Variants in ST8SIA1 observed in about 807,000 individuals in gnomAD.
ST8SIA1 encodes alpha-N-acetylneuraminide alpha-2,8-sialyltransferase.
Under a neutral mutation model 35.9 loss-of-function variants are expected in ST8SIA1, and 16 were observed. The observed-to-expected ratio is 0.45, with a 90% CI of 0.30 to 0.68. The LOEUF is 0.68. Ranked by LOEUF, ST8SIA1 falls within the 30% of genes least tolerant of loss-of-function variation. The probability of loss-of-function intolerance (pLI) is 0.09; values close to 1 mark genes in which losing one functional copy is unlikely to be tolerated. For synonymous variants in ST8SIA1, 170 were observed against 169.6 expected (o/e 1.00, Z -0.02); for missense variants, 383 against 453.6 (o/e 0.84, Z 1.41).
intron 4 of ST8SIA1, chr12:22,223,725 T>C (rs768592720): frequency 3.0e-5 from 38 of 1,254,896 alleles, no homozygotes; most frequent in Middle Eastern, 4.3e-4. Context: ...GTTTTCCATT[T>C]CCTTAATCAA....
At chr12:22,223,542 G>A (rs1389363235) in intron 4 of ST8SIA1, 11 of 1,048,232 alleles carry the variant, frequency 1.0e-5, no homozygotes, top group East Asian at 1.1e-4. Context: ...TTCTGAACTG[G>A]GTTAAATGAG....
At chr12:22,296,955 T>C (rs929978980) in intron 1 of ST8SIA1, among the ~76,000 whole-genome samples, 3 of 152,304 alleles carry the variant, frequency 2.0e-5, no homozygotes, top group South Asian at 4.1e-4. Context: ...CAGTGACTTA[T>C]AATTGAACCA....
At chr12:22,256,214 G>A (rs760928633) in intron 2 of ST8SIA1, among the ~76,000 whole-genome samples, 6 of 152,152 alleles carry the variant, frequency 3.9e-5, no homozygotes, top group Non-Finnish European at 5.9e-5. Context: ...ACCCACTAAG[G>A]GGCAAGTGAC....
intron 1 of ST8SIA1, among the ~76,000 whole-genome samples, chr12:22,327,210 C>T (rs1052139410): frequency 2.0e-5 from 3 of 152,200 alleles, no homozygotes; most frequent in African/African-American, 7.2e-5. Flanking sequence ...TTCTATTCTC[C>T]TCCCTGGACA....
Position 22,238,899 on chromosome 12 carries a change from A to G in ST8SIA1, c.584+10107T>C, listed in dbSNP as rs80352874. Among the ~76,000 whole-genome samples, 992 of 152,302 alleles carry G rather than the reference A, an allele frequency of 6.5e-3. 8 individuals are homozygous for G. Among genetic ancestry groups the G allele is most frequent in the Non-Finnish European group, 0.01 (705 of 68,014 alleles). ...GGTATATTCTTCAGATTTTCTCTCA[A>G]TGAAGGATCTTTGGAGGTAAAAAAT... On this transcript the variant is annotated intron_variant, in intron 4 of 4. Coordinates refer to ENST00000396037, the MANE Select transcript of ST8SIA1 (RefSeq NM_003034.4).
chr12:22,328,367 G>T (rs575715039), intron 1 of ST8SIA1, among the ~76,000 whole-genome samples: 1 of 152,268 alleles, frequency 6.6e-6, no homozygotes, highest in South Asian at 2.1e-4. Context: ...CTCTGGGAAT[G>T]CAACTAAGAA....
chr12:22,262,950 T>C (rs1411977841), intron 2 of ST8SIA1, among the ~76,000 whole-genome samples: 1 of 152,198 alleles, frequency 6.6e-6, no homozygotes, highest in African/African-American at 2.4e-5. Context: ...TAACCTTAAA[T>C]ATAGATTTCT....
chr12:22,288,520 A>G (rs961580739), intron 1 of ST8SIA1, among the ~76,000 whole-genome samples: 3 of 152,146 alleles, frequency 2.0e-5, no homozygotes, highest in African/African-American at 7.2e-5. Flanking sequence ...CCTAGTCAGT[A>G]AGGCTGCAGC....
At chr12:22,305,776 T>C (rs780996187) in intron 1 of ST8SIA1, among the ~76,000 whole-genome samples, 2 of 152,232 alleles carry the variant, frequency 1.3e-5, no homozygotes, top group African/African-American at 4.8e-5. Context: ...TGGGGTTACC[T>C]AACTATAAAC....
intron 1 of ST8SIA1, among the ~76,000 whole-genome samples, chr12:22,332,729 T>C (rs1866784121): frequency 6.6e-6 from 1 of 152,236 alleles, no homozygotes; most frequent in Non-Finnish European, 1.5e-5. Flanking sequence ...TTTTTAATCC[T>C]CTTTCCAGGA....
intron 1 of ST8SIA1, among the ~76,000 whole-genome samples, chr12:22,315,682 G>A (rs1377296094): frequency 6.6e-6 from 1 of 151,082 alleles, no homozygotes; most frequent in African/African-American, 2.4e-5. Context: ...TTGAAGTAAT[G>A]AGGGAACTAA....
intron 4 of ST8SIA1, among the ~76,000 whole-genome samples, chr12:22,212,516 A>G (rs887310109): frequency 2.0e-5 from 3 of 152,170 alleles, no homozygotes; most frequent in East Asian, 3.9e-4. Context: ...CTTCCACAGG[A>G]AAGTACTTTG....
rs748762950 is a variant in ST8SIA1, at chr12:22,305,915, T to C, written c.237-18622A>G. Among the ~76,000 whole-genome samples, 4 of 152,336 alleles carry C rather than the reference T, an allele frequency of 2.6e-5. No homozygotes were observed. In the South Asian group the frequency reaches 8.3e-4, roughly 32 times the overall value. On this transcript the variant is annotated intron_variant, in intron 1 of 4. Transcript: ENST00000396037. ...ACCATAACTTCTAATCTTGTGGTTT[T>C]GGGCAGTCTAGTCCACAGGCAGTAA...
In ST8SIA1 at chr12:22,199,553, T is replaced by G. The variant is rs546034276; in HGVS notation, c.*1999A>C. 4 of 152,338 alleles carry G rather than the reference T, an allele frequency of 2.6e-5. No homozygotes were observed. The South Asian group carries it at 8.3e-4, about 32-fold the overall frequency. The allele number at this position is 152,338 out of a possible 1,614,324, so 9.4% of individuals were successfully genotyped here. A position where few individuals can be genotyped will look rare whatever the true frequency, so the allele number is the denominator to read the frequency against. ...TTCTCATTATGTTTTTGCTGCCGTA[T>G]AGCAAACCAGTTCTCCAATAGCATC... On this transcript the variant is annotated 3_prime_UTR_variant, in exon 5 of 5. Coordinates refer to ENST00000396037, the MANE Select transcript of ST8SIA1 (RefSeq NM_003034.4).
intron 1 of ST8SIA1, among the ~76,000 whole-genome samples, chr12:22,317,915 T>C (rs970086031): frequency 1.1e-4 from 17 of 152,330 alleles, no homozygotes; most frequent in African/African-American, 3.6e-4. Context: ...TAAAAATTCA[T>C]ACACAGTAAG....
chr12:22,326,319 G>A (rs1866680335), intron 1 of ST8SIA1: 1 of 159,146 alleles, frequency 6.3e-6, no homozygotes, highest in Non-Finnish European at 1.4e-5. Flanking sequence ...GCCGGCCATA[G>A]TACAGCACCC....
intron 2 of ST8SIA1, among the ~76,000 whole-genome samples, chr12:22,277,093 T>G (rs969151969): frequency 6.6e-6 from 1 of 152,162 alleles, no homozygotes; most frequent in African/African-American, 2.4e-5. Context: ...AAGCCCAGTG[T>G]AGTTTCAGGT....
In ST8SIA1 at chr12:22,255,352, AC is replaced by A; in HGVS notation, c.418del (p.Val140TrpfsTer8). On this transcript the variant is annotated frameshift_variant, in exon 3 of 5. Coordinates refer to ENST00000396037, the MANE Select transcript of ST8SIA1 (RefSeq NM_003034.4). LOFTEE classifies it high-confidence loss of function. ...PFQLPLKKCA[V>X]VGNGGILKKS... is the part of the protein sequence containing the mutation. The stretch of plus-strand genomic sequence containing the variant: ...CTTCAGAATCCCACCATTTCCCACC[AC>A]CGCGCATTTCTTCAATGGCAGCTGG... 2 of 1,613,990 alleles carry A rather than the reference AC, an allele frequency of 1.2e-6. No individual in the cohort carries two copies. The highest frequency in any genetic ancestry group is 1.7e-6 in the Non-Finnish European group (2 of 1,179,994).
rs368106186 is a variant in ST8SIA1 at position 22,204,238 on chromosome 12, G to A, written c.585-2200C>T. ...ATTATTTCCTCTGTCTTCTAAATAC[G>A]GTTAGAACTTTCCCCTTCAACGCTA... On this transcript the variant is annotated intron_variant, in intron 4 of 4. Coordinates refer to ENST00000396037, the MANE Select transcript of ST8SIA1 (RefSeq NM_003034.4). 3.3e-5 allele frequency among the ~76,000 whole-genome samples: 5 copies of A among 151,932 alleles called. No individual in the cohort carries two copies. In the East Asian group the frequency reaches 5.8e-4, roughly 18 times the overall value.
Sources: allele counts gnomAD v4.1 joint callset (sites outside exome capture counted in the v4.1 genomes callset), GRCh38; gene constraint gnomAD v4.1.1; transcripts MANE v1.5; gene names NCBI Gene and HGNC (gene_info 2026-07-23, HGNC 2026-07-21).